Variants in WDR70 observed in about 807,000 individuals in gnomAD.
WDR70 encodes WD repeat domain 70.
WDR70 carries 53 observed loss-of-function variants against 88.6 expected under a neutral mutation model. That is an observed-to-expected ratio of 0.60 (90% confidence interval 0.48 to 0.75). The LOEUF is 0.75. Ranked by LOEUF, WDR70 falls within the 30% of genes least tolerant of loss-of-function variation. The pLI is 0.00. For synonymous variants in WDR70, 280 were observed against 270.0 expected, an observed-to-expected ratio of 1.04 and a Z score of -0.36; for missense variants, 610 against 823.2, an observed-to-expected ratio of 0.74 and a Z score of 3.17.
rs184326026 is a variant in WDR70 at position 37,728,263 on chromosome 5, G to C, written c.1877+1218G>C. Among the ~76,000 whole-genome samples, 218 of 150,066 alleles carry C rather than the reference G, an allele frequency of 1.5e-3. 4 individuals are homozygous for C. Among genetic ancestry groups the C allele is most frequent in the African/African-American group, 5.1e-3 (205 of 40,534 alleles). ...CTAAGGAGGCTGAGGCAGGAGAATT[G>C]CTTGAACCCGGGAGGTGGAGGTTGC... On this transcript the variant is annotated intron_variant, in intron 17 of 17. Coordinates refer to ENST00000265107, the MANE Select transcript of WDR70 (RefSeq NM_018034.4).
At position 37,510,170 on chromosome 5, in the gene WDR70, C is replaced by G. The variant is rs1353545908; in HGVS notation, c.841-6344C>G. On this transcript the variant is annotated intron_variant, in intron 8 of 17. Coordinates refer to ENST00000265107, the MANE Select transcript of WDR70 (RefSeq NM_018034.4). The stretch of plus-strand genomic sequence containing the variant: ...GTAAATTAAAAGGGGTGTAAAGCTT[C>G]TTTATACTTCTTTTTCAGATTTACC... Among the ~76,000 whole-genome samples the G allele has an allele frequency of 2.6e-5, 4 of 151,848 alleles. No individual in the cohort carries two copies. The East Asian group carries it at 5.8e-4, about 22-fold the overall frequency.
chr5:37,442,620 G>T (rs1162559330), intron 6 of WDR70, among the ~76,000 whole-genome samples: 2 of 152,312 alleles, frequency 1.3e-5, no homozygotes, highest in East Asian at 3.9e-4. Context: ...ACTGTGGCCG[G>T]CCGAAAGCAA....
chr5:37,486,876 A>C (rs1214907623), intron 8 of WDR70, among the ~76,000 whole-genome samples: 3 of 151,662 alleles, frequency 2.0e-5, no homozygotes, highest in Non-Finnish European at 4.4e-5. Flanking sequence ...GATCTTTGTC[A>C]CATGCATTGT....
chr5:37,487,088 G>A (rs1467733071), intron 8 of WDR70, among the ~76,000 whole-genome samples: 5 of 152,132 alleles, frequency 3.3e-5, no homozygotes, highest in Non-Finnish European at 7.4e-5. Context: ...AAAAGTGTAG[G>A]AAATTAAAAT....
intron 7 of WDR70, among the ~76,000 whole-genome samples, chr5:37,465,079 T>C (rs1739113653): frequency 6.6e-6 from 1 of 152,224 alleles, no homozygotes; most frequent in Admixed American, 6.5e-5. Context: ...CACAAGTCCA[T>C]AGGTGTTTTC....
intron 5 of WDR70, among the ~76,000 whole-genome samples, chr5:37,427,116 G>A (rs1281659871): frequency 2.0e-5 from 3 of 152,172 alleles, no homozygotes; most frequent in East Asian, 3.8e-4. Flanking sequence ...TTGGCTGGGC[G>A]CGGTGGCTCA....
intron 10 of WDR70, among the ~76,000 whole-genome samples, chr5:37,637,471 C>G (rs1324292240): frequency 1.3e-5 from 2 of 152,040 alleles, no homozygotes; most frequent in East Asian, 3.9e-4. Flanking sequence ...CACTTAAGCC[C>G]TCATCTCACA....
intron 9 of WDR70, among the ~76,000 whole-genome samples, chr5:37,598,529 A>C (rs1210255239): frequency 6.6e-6 from 1 of 152,204 alleles, no homozygotes; most frequent in Non-Finnish European, 1.5e-5. Flanking sequence ...TCCAACAGAT[A>C]TTTCCATTTA....
At chr5:37,431,922 T>C (rs1750315934) in intron 5 of WDR70, among the ~76,000 whole-genome samples, 1 of 152,252 alleles carries the variant, frequency 6.6e-6, no homozygotes, top group African/African-American at 2.4e-5. Context: ...TTCTGTTTTA[T>C]GTTTATGTCA....
rs185796717 is a variant in WDR70 at position 37,390,873 on chromosome 5, C to T, written c.176-1127C>T. Among the ~76,000 whole-genome samples the T allele has an allele frequency of 6.1e-3, 925 of 152,106 alleles. 11 individuals carry two copies. The highest frequency in any genetic ancestry group is 0.022 in the African/African-American group (897 of 41,458). ...CTGGGATTAAAGGCATGCGCTACCA[C>T]GCCTGGCTAATTTTTTATTTTTAGT... On this transcript the variant is annotated intron_variant, in intron 3 of 17. Coordinates refer to ENST00000265107, the MANE Select transcript of WDR70 (RefSeq NM_018034.4).
At chr5:37,454,537 T>C (rs1421927495) in intron 7 of WDR70, among the ~76,000 whole-genome samples, 2 of 152,206 alleles carry the variant, frequency 1.3e-5, no homozygotes, top group East Asian at 1.9e-4. Context: ...CCTACTGTTT[T>C]GCGTTTCTGA....
intron 17 of WDR70, among the ~76,000 whole-genome samples, chr5:37,737,203 A>C (rs1257218826): frequency 6.6e-6 from 1 of 152,152 alleles, no homozygotes; most frequent in East Asian, 1.9e-4. Context: ...TTATTAATTT[A>C]ATCCTCACAG....
At chr5:37,740,285 A>C (rs1026436761) in intron 17 of WDR70, among the ~76,000 whole-genome samples, 1 of 152,200 alleles carries the variant, frequency 6.6e-6, no homozygotes. Context: ...GAGTTTTTAA[A>C]ATATTTCTCA....
chr5:37,511,814 C>T (rs1464383918), intron 8 of WDR70, among the ~76,000 whole-genome samples: 3 of 152,166 alleles, frequency 2.0e-5, no homozygotes, highest in Admixed American at 1.3e-4. Flanking sequence ...CAGCACATTT[C>T]CTCCTTGGCT....
At chr5:37,485,934 C>T (rs9716982) in intron 8 of WDR70, among the ~76,000 whole-genome samples, 62,378 of 145,434 alleles carry the variant, frequency 0.43, 15,193 homozygotes, top group Non-Finnish European at 0.54. Flanking sequence ...AGGCTGGTCT[C>T]GAACTCCAGA....
rs193245484 is a variant in WDR70, at chr5:37,689,826, G to T, written c.1093-7829G>T. Reference sequence around the variant, plus strand: ...TCTCCTCCAAAGATCGCAGCTCCTCGCCAGCAATGGAACAAAGCTGGACAG... The same window carrying T: ...TCTCCTCCAAAGATCGCAGCTCCTCTCCAGCAATGGAACAAAGCTGGACAG... On this transcript the variant is annotated intron_variant, in intron 10 of 17. Transcript: ENST00000265107. Among the ~76,000 whole-genome samples, 9 of 152,288 alleles carry T rather than the reference G, an allele frequency of 5.9e-5. No individual in the cohort carries two copies. In the East Asian group the frequency reaches 1.7e-3, roughly 29 times the overall value.
intron 5 of WDR70, among the ~76,000 whole-genome samples, chr5:37,427,368 G>GAA (rs1750160669): frequency 6.7e-6 from 1 of 148,796 alleles, no homozygotes; most frequent in Non-Finnish European, 1.5e-5. Context: ...CGGCCTGGGC[G>GAA]AAAGAGCGAG....
At chr5:37,682,371 A>G (rs1280865553) in intron 10 of WDR70, among the ~76,000 whole-genome samples, 5 of 151,632 alleles carry the variant, frequency 3.3e-5, no homozygotes, top group African/African-American at 4.8e-5. Flanking sequence ...CAAAAAACCA[A>G]CTCTTAGATT....
chr5:37,654,771 C>T (rs1364303314), intron 10 of WDR70, among the ~76,000 whole-genome samples: 4 of 152,064 alleles, frequency 2.6e-5, no homozygotes, highest in South Asian at 4.1e-4. Context: ...GATTGCAGCC[C>T]CTGCTTTTTT....
Sources: allele counts gnomAD v4.1 joint callset (sites outside exome capture counted in the v4.1 genomes callset), GRCh38; gene constraint gnomAD v4.1.1; transcripts MANE v1.5; gene names NCBI Gene and HGNC (gene_info 2026-07-23, HGNC 2026-07-21).